SDK1: variants seen among roughly 807,000 people sequenced by gnomAD.
The protein encoded by SDK1 is sidekick cell adhesion molecule 1, also known as protein sidekick-1.
SDK1 carries 157 observed loss-of-function variants against 245.5 expected under a neutral mutation model. The ratio of observed to expected loss-of-function variants is 0.64; its 90% CI spans 0.56 to 0.73. The LOEUF is 0.73. Among genes scored for constraint, SDK1 ranks in the 30% least tolerant of loss-of-function variants. SDK1 has a pLI of 0.00. For synonymous variants in SDK1, 1,647 were observed against 1,278.5 expected, an observed-to-expected ratio of 1.29 and a Z score of -6.15; for missense variants, 3,583 against 3,002.3, an observed-to-expected ratio of 1.19 and a Z score of -4.52.
At chr7:3,742,532 G>T (rs1224910389) in intron 4 of SDK1, among the ~76,000 whole-genome samples, 1 of 152,078 alleles carries the variant, frequency 6.6e-6, no homozygotes, top group Non-Finnish European at 1.5e-5. Context: ...TTGCATATTT[G>T]CCTTCATACA....
At chr7:3,583,371 T>G (rs1780577470) in intron 1 of SDK1, among the ~76,000 whole-genome samples, 1 of 151,994 alleles carries the variant, frequency 6.6e-6, no homozygotes, top group Non-Finnish European at 1.5e-5. Flanking sequence ...TAAAGGTGAG[T>G]GATTCATAAA....
intron 2 of SDK1, among the ~76,000 whole-genome samples, chr7:3,623,470 A>T (rs547458418): frequency 6.6e-6 from 1 of 152,010 alleles, no homozygotes; most frequent in African/African-American, 2.4e-5. Context: ...CACACTCCTG[A>T]CCTCAAGTGA....
chr7:4,221,511 A>G (rs2128232107), intron 40 of SDK1, 147 bp downstream of exon 40: 1 of 967,928 alleles, frequency 1.0e-6, no homozygotes, highest in East Asian at 2.7e-5. Context: ...GAAAGAAGAC[A>G]TCCATGGCTC....
At chr7:4,234,615 G>T (rs1363788054) in intron 41 of SDK1, among the ~76,000 whole-genome samples, 3 of 152,172 alleles carry the variant, frequency 2.0e-5, no homozygotes, top group Non-Finnish European at 4.4e-5. Context: ...TGGCCCCCCA[G>T]CCCCCCATGT....
chr7:3,686,894 C>G (rs1784299268), intron 4 of SDK1, among the ~76,000 whole-genome samples: 1 of 152,148 alleles, frequency 6.6e-6, no homozygotes, highest in Non-Finnish European at 1.5e-5. Context: ...TGTCTGGTGC[C>G]TGGCCCTGGA....
chr7:3,653,848 G>C (rs201018823), intron 4 of SDK1, among the ~76,000 whole-genome samples: 1 of 152,292 alleles, frequency 6.6e-6, no homozygotes, highest in East Asian at 1.9e-4. Flanking sequence ...TTTCTGCTCT[G>C]TTGCACTTCA....
rs112911923 is a variant in SDK1 at position 4,139,838 on chromosome 7, G to A, written c.4229-5884G>A. Among the ~76,000 whole-genome samples the A allele has an allele frequency of 9.0e-3, 1,374 of 152,090 alleles. 27 individuals are homozygous for A. Among genetic ancestry groups the A allele is most frequent in the African/African-American group, 0.031 (1,273 of 41,506 alleles). ...CTTTAGCACCGCATCAGAGGGCCTC[G>A]CCCTGCGCTGTCTGGGCTGTCTTGG... is the stretch of plus-strand genomic sequence containing the variant. On this transcript the variant is annotated intron_variant, in intron 28 of 44. Coordinates refer to ENST00000404826, the MANE Select transcript of SDK1 (RefSeq NM_152744.4).
At chr7:3,821,979 A>G (rs1779658138) in intron 5 of SDK1, among the ~76,000 whole-genome samples, 2 of 152,236 alleles carry the variant, frequency 1.3e-5, no homozygotes, top group South Asian at 4.1e-4. Flanking sequence ...AATCTTTGAG[A>G]AATTCTACCT....
chr7:3,927,882 A>C (rs1332661397), intron 5 of SDK1, among the ~76,000 whole-genome samples: 1 of 152,198 alleles, frequency 6.6e-6, no homozygotes, highest in Non-Finnish European at 1.5e-5. Flanking sequence ...GTTGTTCCTC[A>C]CCGCAGAACT....
At chr7:3,639,251 G>A in intron 3 of SDK1, 141 bp downstream of exon 3, 1 of 469,850 alleles carries the variant, frequency 2.1e-6, no homozygotes, top group Non-Finnish European at 3.8e-6. Flanking sequence ...AAAACTCAGT[G>A]AGAGATAAGT....
chr7:3,454,331 C>T (rs1043549557), intron 1 of SDK1, among the ~76,000 whole-genome samples: 17 of 151,148 alleles, frequency 1.1e-4, no homozygotes, highest in Non-Finnish European at 2.2e-4. Flanking sequence ...TTTCAGTTTT[C>T]CCATTTAAAA....
chr7:4,219,656 C>T (rs1785024661), intron 38 of SDK1, among the ~76,000 whole-genome samples: 1 of 152,124 alleles, frequency 6.6e-6, no homozygotes, highest in African/African-American at 2.4e-5. Flanking sequence ...ACAGCCAAAC[C>T]CTATCACTCC....
chr7:3,620,409 T>C (rs1411730257), intron 2 of SDK1, among the ~76,000 whole-genome samples: 1 of 151,984 alleles, frequency 6.6e-6, no homozygotes, highest in Non-Finnish European at 1.5e-5. Flanking sequence ...TTCAAATGAT[T>C]CTCCTGCCTC....
At chr7:4,180,491 A>G (rs1782541438) in intron 35 of SDK1, among the ~76,000 whole-genome samples, 3 of 150,014 alleles carry the variant, frequency 2.0e-5, no homozygotes, top group South Asian at 4.2e-4. Context: ...CTCCAGCTCT[A>G]TGCCCAGTGC....
intron 14 of SDK1, among the ~76,000 whole-genome samples, chr7:3,995,015 A>C (rs1385070610): frequency 6.6e-6 from 1 of 152,120 alleles, no homozygotes; most frequent in East Asian, 1.9e-4. Context: ...TGTCCTCCCT[A>C]GGTTGCCAGC....
At position 3,968,983 on chromosome 7, in the gene SDK1, G is replaced by C. The variant is rs567376875; in HGVS notation, c.1547-274G>C. Reference sequence around the variant, plus strand: ...GCGCATCTCACAAGGCTGCAAGAGAGAGAAAGAGCAAAGGGGGAAGTGCCA... The same window carrying C: ...GCGCATCTCACAAGGCTGCAAGAGACAGAAAGAGCAAAGGGGGAAGTGCCA... On this transcript the variant is annotated intron_variant, in intron 10 of 44. Transcript: ENST00000404826. Among the ~76,000 whole-genome samples, 5 of 152,304 alleles carry C rather than the reference G, an allele frequency of 3.3e-5. No homozygotes were observed. The South Asian group carries it at 1.0e-3, about 32-fold the overall frequency.
chr7:3,525,942 T>G (rs1317177042), intron 1 of SDK1, among the ~76,000 whole-genome samples: 1 of 152,152 alleles, frequency 6.6e-6, no homozygotes, highest in Non-Finnish European at 1.5e-5. Flanking sequence ...CTCAGGTAAT[T>G]CACATTGTGG....
rs536198547 is a variant in SDK1 at position 3,501,143 on chromosome 7, A to G, written c.299-117937A>G. Reference sequence around the variant, plus strand: ...TTGAAAGTCTTGAGCATGCAGATTAAAGATCTGGGCATATTATTTCATTGC... The same window carrying G: ...TTGAAAGTCTTGAGCATGCAGATTAGAGATCTGGGCATATTATTTCATTGC... On this transcript the variant is annotated intron_variant, in intron 1 of 44. Transcript: ENST00000404826. Among the ~76,000 whole-genome samples, 12 of 152,322 alleles carry G rather than the reference A, an allele frequency of 7.9e-5. No individual in the cohort carries two copies. In the East Asian group the frequency reaches 2.3e-3, roughly 29 times the overall value.
chr7:3,372,027 A>G (rs751632404), intron 1 of SDK1, among the ~76,000 whole-genome samples: 13 of 152,200 alleles, frequency 8.5e-5, no homozygotes, highest in Non-Finnish European at 1.8e-4. Flanking sequence ...GTGGTTCAGT[A>G]ACTGTCATCA....
Sources: gnomAD v4.1 joint callset for allele counts (sites outside exome capture counted in the v4.1 genomes callset) on GRCh38, gnomAD v4.1.1 for gene constraint, MANE v1.5 for transcripts, NCBI Gene and HGNC (gene_info 2026-07-23, HGNC 2026-07-21) for gene names.